ZNF658: variants seen among roughly 807,000 people sequenced by gnomAD.
ZNF658 encodes zinc finger protein 658.
A neutral mutation model predicts 78.0 loss-of-function variants in ZNF658; 46 were observed. The ratio of observed to expected loss-of-function variants is 0.59; its 90% CI spans 0.47 to 0.75. The LOEUF is 0.75. ZNF658 is among the 30% of genes least tolerant of loss of function. The pLI is 0.00. For synonymous variants in ZNF658, 279 were observed against 408.4 expected, an observed-to-expected ratio of 0.68 and a Z score of 3.82; for missense variants, 785 against 1,189.3, an observed-to-expected ratio of 0.66 and a Z score of 5.00.
In ZNF658 at chr9:66,917,910, G is replaced by T. The variant is rs983396646; in HGVS notation, c.344G>T (p.Gly115Val). The T allele has an allele frequency of 4.9e-5, 79 of 1,609,530 alleles. No homozygotes were observed. Among genetic ancestry groups the T allele is most frequent in the Middle Eastern group, 2.3e-4 (1 of 4,444 alleles). The change falls in exon 5 of 5, where the codon GGA (glycine) becomes GTA (valine). Residue 115 changes from glycine (G) to valine (V), a missense_variant. Gly to Val is a moderately radical substitution (Grantham distance 109). Transcript: ENST00000621410. ...GCTGACAAAACATTGAGTAAAGAAG[G>T]ACAGAAAGTTTTAGAAAAACCATTT... ...SDADKTLSKE[G>V]QKVLEKPFNL...
chr9:66,914,076 G>A (rs1822276680), intron 4 of ZNF658, among the ~76,000 whole-genome samples: 1 of 151,076 alleles, frequency 6.6e-6, no homozygotes, highest in African/African-American at 2.5e-5. Context: ...AAACATGTTG[G>A]CATTTAAACT....
chr9:66,909,792 G>T (rs1822170522), intron 4 of ZNF658, among the ~76,000 whole-genome samples: 2 of 152,196 alleles, frequency 1.3e-5, no homozygotes, highest in African/African-American at 4.8e-5. Flanking sequence ...CTGTGGTTTT[G>T]ATGTACATTT....
intron 4 of ZNF658, among the ~76,000 whole-genome samples, chr9:66,915,440 G>A (rs1291121995): frequency 1.7e-4 from 25 of 150,610 alleles, no homozygotes; most frequent in African/African-American, 4.9e-4. Flanking sequence ...GTTACAAAAC[G>A]GTGTCAGAGC....
chr9:66,902,375 A>T, intron 1 of ZNF658, among the ~76,000 whole-genome samples: 1 of 121,426 alleles, frequency 8.2e-6, no homozygotes. Context: ...GCAGTTGTTG[A>T]CTCCCTATAT....
downstream of ZNF658, among the ~76,000 whole-genome samples, chr9:66,925,256 G>A (rs1476991062): frequency 6.7e-6 from 1 of 149,308 alleles, no homozygotes; most frequent in East Asian, 1.9e-4. Flanking sequence ...TTGAAAAAAT[G>A]CAATTTTAGC....
chr9:66,920,061 G>A lies in ZNF658; in HGVS notation c.2495G>A (p.Gly832Glu). Reference protein sequence around the residue: ...GEKPYECNQCGKTFSQRTHLC... With the variant: ...GEKPYECNQCEKTFSQRTHLC... The stretch of plus-strand genomic sequence containing the variant: ...AAACCCTATGAATGTAACCAATGTG[G>A]GAAAACTTTCTCCCAAAGAACACAC... Residue 832 changes from glycine (G) to glutamate (E), a missense_variant, in exon 5 of 5, where the codon GGG becomes GAG. Physicochemically the swap from Gly to Glu is moderately conservative, Grantham distance 98. This residue lies in a region of ZNF658 where 58 missense variants were observed against 63.0 expected (regional missense o/e 0.92). Coordinates refer to ENST00000621410, the MANE Select transcript of ZNF658 (RefSeq NM_033160.7). 6.2e-7 allele frequency: 1 copy of A among 1,613,274 alleles called. No individual in the cohort carries two copies.
chr9:66,915,492 T>G (rs1363917832), intron 4 of ZNF658, among the ~76,000 whole-genome samples: 1 of 150,370 alleles, frequency 6.7e-6, no homozygotes, highest in Non-Finnish European at 1.5e-5. Context: ...TAACAAGAAG[T>G]GAGTGGTCTG....
chr9:66,922,416 C>T (rs1822542201), downstream of ZNF658, among the ~76,000 whole-genome samples: 1 of 149,206 alleles, frequency 6.7e-6, no homozygotes, highest in Non-Finnish European at 1.5e-5. Flanking sequence ...AATCACTCAT[C>T]TTCTGCGTCA....
At chr9:66,905,068 CTTTTTTTT>C (rs1165611922) in intron 2 of ZNF658, among the ~76,000 whole-genome samples, 9 of 31,766 alleles carry the variant, frequency 2.8e-4, no homozygotes, top group Admixed American at 1.1e-3. Flanking sequence ...TTTTTCTTTT[CTTTTTTTT>C]TTTTTTTTTT....
At position 66,918,575 on chromosome 9, in the gene ZNF658, A is replaced by C. The variant is rs140428067; in HGVS notation, c.1009A>C (p.Ser337Arg). 6.8e-6 allele frequency: 11 copies of C among 1,608,042 alleles called. No individual in the cohort carries two copies. The African/African-American group carries it at 1.3e-4, about 20-fold the overall frequency. The change falls in exon 5 of 5, where the codon AGC becomes CGC. Residue 337 changes from serine to arginine, a missense_variant. Transcript: ENST00000621410. ...SNKCEENFSQ[S>R]SAHIVHQKTQ... is the part of the protein sequence containing the mutation. Reference sequence around the variant, plus strand: ...TAAATGTGAAGAAAATTTTAGCCAGAGCTCAGCCCATATAGTACATCAGAA... The same window carrying C: ...TAAATGTGAAGAAAATTTTAGCCAGCGCTCAGCCCATATAGTACATCAGAA...
At chr9:66,903,822 A>G (rs1167403463) in intron 2 of ZNF658, among the ~76,000 whole-genome samples, 1 of 152,076 alleles carries the variant, frequency 6.6e-6, no homozygotes, top group Non-Finnish European at 1.5e-5. Flanking sequence ...GTGGAGTGTC[A>G]GACAGACAAT....
chr9:66,914,747 TAA>T (rs1366470552), intron 4 of ZNF658, among the ~76,000 whole-genome samples: 3 of 152,102 alleles, frequency 2.0e-5, no homozygotes, highest in Non-Finnish European at 4.4e-5. Flanking sequence ...TGCAGTGTAG[TAA>T]CTGTTTGGCA....
intron 1 of ZNF658, chr9:66,903,246 A>T: frequency 2.7e-6 from 1 of 369,178 alleles, no homozygotes; most frequent in Non-Finnish European, 5.0e-6. Context: ...AGAGATGCAC[A>T]TATTCAGGTG....
chr9:66,913,445 A>T (rs1242019973), intron 4 of ZNF658, among the ~76,000 whole-genome samples: 2 of 149,420 alleles, frequency 1.3e-5, no homozygotes, highest in Non-Finnish European at 3.0e-5. Flanking sequence ...AAAAAAAAAA[A>T]GTAGAAGCCT....
chr9:66,908,573 T>C (rs1458305780), intron 3 of ZNF658, 66 bp from the exon 4 acceptor site: 16 of 1,532,074 alleles, frequency 1.0e-5, no homozygotes, highest in Non-Finnish European at 1.3e-5. Context: ...TGCTGCCATA[T>C]CTTTTTTTCC....
intron 1 of ZNF658, among the ~76,000 whole-genome samples, chr9:66,901,760 C>A (rs974146194): frequency 3.3e-5 from 5 of 151,660 alleles, no homozygotes; most frequent in African/African-American, 1.2e-4. Flanking sequence ...GCCTGGCCAT[C>A]ATGGCAAAAG....
Position 66,918,786 on chromosome 9 carries a change from C to G in ZNF658, c.1220C>G (p.Ser407Ter), listed in dbSNP as rs776333494. Reference protein sequence around the residue: ...AHLIQHQRPHSGEKTYQYEEC... With the variant: ...AHLIQHQRPH ...CTCATTCAGCATCAGAGGCCCCACT[C>G]AGGAGAGAAAACTTACCAATATGAG... Residue 407 changes from serine (S) to a stop codon, truncating the protein, a stop_gained, in exon 5 of 5, where the codon TCA (serine) becomes TGA (stop). Transcript: ENST00000621410. LOFTEE classifies it high-confidence loss of function. 6.2e-7 allele frequency: 1 copy of G among 1,613,870 alleles called. No homozygotes were observed. The highest frequency in any genetic ancestry group is 8.5e-7 in the Non-Finnish European group (1 of 1,179,844).
rs1229050466 is a variant in ZNF658, at chr9:66,918,321, T to C, written c.755T>C (p.Phe252Ser). Residue 252 changes from phenylalanine (F) to serine (S), a missense_variant, in exon 5 of 5, where the codon TTT (phenylalanine) becomes TCT (serine). By Grantham distance (155) the Phe-to-Ser change is radical. Coordinates refer to ENST00000621410, the MANE Select transcript of ZNF658 (RefSeq NM_033160.7). ...SCKDDEFRKN[F>S]DKITLFNHMR... Reference sequence around the variant, plus strand: ...AAGGATGATGAATTTAGAAAAAACTTTGATAAAATCACTTTATTTAACCAC... The same window carrying C: ...AAGGATGATGAATTTAGAAAAAACTCTGATAAAATCACTTTATTTAACCAC... 2.5e-6 allele frequency: 4 copies of C among 1,613,772 alleles called. No homozygotes were observed. Among genetic ancestry groups the C allele is most frequent in the African/African-American group, 1.3e-5 (1 of 74,900 alleles).
In ZNF658 at chr9:66,918,542, G is replaced by A. The variant is rs1822403848; in HGVS notation, c.976G>A (p.Glu326Lys). 1 of 1,606,802 alleles carries A rather than the reference G, an allele frequency of 6.2e-7. No homozygotes were observed. Among genetic ancestry groups the A allele is most frequent in the African/African-American group, 1.3e-5 (1 of 74,364 alleles). Residue 326 changes from glutamate (E) to lysine (K), a missense_variant, in exon 5 of 5, where the codon GAA becomes AAA. Physicochemically the swap from Glu to Lys is moderately conservative, Grantham distance 56. Coordinates refer to ENST00000621410, the MANE Select transcript of ZNF658 (RefSeq NM_033160.7). ...AACTATTACAGGATGGAGTGCTTTT[G>A]AAAGCAATAAATGTGAAGAAAATTT... Reference protein sequence around the residue: ...QRTITGWSAFESNKCEENFSQ... With the variant: ...QRTITGWSAFKSNKCEENFSQ...
Sources: allele counts gnomAD v4.1 joint callset (sites outside exome capture counted in the v4.1 genomes callset), GRCh38; gene constraint gnomAD v4.1.1; regional missense constraint gnomAD v4.1.1; transcripts MANE v1.5; gene names NCBI Gene and HGNC (gene_info 2026-07-23, HGNC 2026-07-21).